MYZAP: variants seen among roughly 807,000 people sequenced by gnomAD.
The protein encoded by MYZAP is myocardial zonula adherens protein.
Under a neutral mutation model 69.4 loss-of-function variants are expected in MYZAP, and 66 were observed. The observed-to-expected ratio is 0.95, with a 90% CI of 0.78 to 1.17. The LOEUF is 1.17. Ranked by LOEUF, MYZAP falls within the 50% of genes most tolerant of loss-of-function variation. The pLI, the probability that MYZAP is intolerant of heterozygous loss-of-function variation, is 0.00. For missense variants in MYZAP, 611 were observed against 556.2 expected (o/e 1.10, Z -0.99); for synonymous variants, 256 against 205.9 (o/e 1.24, Z -2.09).
intron 10 of MYZAP, among the ~76,000 whole-genome samples, chr15:57,645,944 C>T (rs2037423023): frequency 6.6e-6 from 1 of 152,240 alleles, no homozygotes; most frequent in African/African-American, 2.4e-5. Context: ...CATTTGCTGG[C>T]ACACAATTTA....
rs2033699758 is a variant in MYZAP, at chr15:57,592,023, C to G, written c.-12C>G. On this transcript the variant is annotated 5_prime_UTR_variant, in exon 1 of 13. Transcript: ENST00000267853. ...CGCCGGCGTCCAGCCCGCTACCGACCGCCGCTGCGGGATGCTGCGCTCCAC... is the reference window on the plus strand; with the variant it reads ...CGCCGGCGTCCAGCCCGCTACCGACGGCCGCTGCGGGATGCTGCGCTCCAC... The G allele has an allele frequency of 7.0e-7, 1 of 1,434,916 alleles. No homozygotes were observed. Among genetic ancestry groups the G allele is most frequent in the Non-Finnish European group, 9.1e-7 (1 of 1,098,370 alleles). The allele number at this position is 1,434,916 out of a possible 1,614,324, so 88.9% of individuals were successfully genotyped here.
At chr15:57,599,507 G>T in intron 1 of MYZAP, 1 of 1,210,232 alleles carries the variant, frequency 8.3e-7, no homozygotes, top group South Asian at 1.5e-5. Flanking sequence ...CAGCTGGTTC[G>T]GTAGCAGTGG....
intron 10 of MYZAP, among the ~76,000 whole-genome samples, chr15:57,642,911 A>T (rs2037242042): frequency 6.6e-6 from 1 of 152,224 alleles, no homozygotes. Context: ...TTTTGAAATG[A>T]AGGATTAGTA....
intron 10 of MYZAP, among the ~76,000 whole-genome samples, chr15:57,652,307 T>C (rs1179678780): frequency 1.3e-5 from 2 of 152,204 alleles, no homozygotes; most frequent in African/African-American, 4.8e-5. Context: ...TCATGCTTAT[T>C]AAACTCTTCT....
At chr15:57,603,361 C>A (rs1457816944) in intron 1 of MYZAP, among the ~76,000 whole-genome samples, 1 of 152,000 alleles carries the variant, frequency 6.6e-6, no homozygotes, top group African/African-American at 2.4e-5. Flanking sequence ...CCATTTTGAC[C>A]CTTTTTAAGT....
intron 2 of MYZAP, among the ~76,000 whole-genome samples, chr15:57,606,753 T>C (rs1159064221): frequency 2.6e-5 from 4 of 152,060 alleles, no homozygotes; most frequent in African/African-American, 9.7e-5. Flanking sequence ...ATAAAAGATA[T>C]ACTGGGATGA....
rs1312774447 is a variant in MYZAP at position 57,639,377 on chromosome 15, G to C, written c.1014-63G>C. 4 of 1,545,280 alleles carry C rather than the reference G, an allele frequency of 2.6e-6. No individual in the cohort carries two copies. In the African/African-American group the frequency reaches 5.4e-5, roughly 21 times the overall value. On this transcript the variant is annotated intron_variant, in intron 9 of 12. Transcript: ENST00000267853. ...GGCAATATTCTTTAAAGCTGTGACT[G>C]TTGCTACTGCTGTTGCTGCTTTGGT...
At chr15:57,613,658 A>C (rs1055053967) in intron 2 of MYZAP, among the ~76,000 whole-genome samples, 5 of 152,048 alleles carry the variant, frequency 3.3e-5, no homozygotes, top group Non-Finnish European at 7.3e-5. Flanking sequence ...AGCATGAGAC[A>C]CCGTGCCTGG....
At chr15:57,647,755 C>T (rs1487212373) in intron 10 of MYZAP, 4 of 985,332 alleles carry the variant, frequency 4.1e-6, no homozygotes, top group Non-Finnish European at 3.6e-6. Flanking sequence ...GGCCCTGGGT[C>T]CTAGGCTCAT....
At chr15:57,592,884 A>C (rs1292203574) in intron 1 of MYZAP, among the ~76,000 whole-genome samples, 1 of 152,120 alleles carries the variant, frequency 6.6e-6, no homozygotes, top group African/African-American at 2.4e-5. Flanking sequence ...TCCATTTATC[A>C]TGATGTTCAA....
intron 11 of MYZAP, among the ~76,000 whole-genome samples, chr15:57,663,874 A>G (rs1458022061): frequency 6.6e-6 from 1 of 152,166 alleles, no homozygotes; most frequent in Non-Finnish European, 1.5e-5. Context: ...AAATTCCCTG[A>G]AACTATTTAA....
At chr15:57,659,167 A>G (rs553380579) in intron 10 of MYZAP, among the ~76,000 whole-genome samples, 6 of 152,258 alleles carry the variant, frequency 3.9e-5, no homozygotes, top group Admixed American at 1.3e-4. Flanking sequence ...TTTGATGTTC[A>G]GAATGTTCCA....
chr15:57,664,070 GTTTTT>G (rs35632598), intron 11 of MYZAP, among the ~76,000 whole-genome samples: 2 of 141,490 alleles, frequency 1.4e-5, no homozygotes, highest in African/African-American at 5.1e-5. Flanking sequence ...TTCTGTTCTT[GTTTTT>G]TTTTTTTTTA....
At chr15:57,615,536 T>A (rs1370900902) in intron 2 of MYZAP, among the ~76,000 whole-genome samples, 1 of 152,232 alleles carries the variant, frequency 6.6e-6, no homozygotes, top group Non-Finnish European at 1.5e-5. Context: ...CTGAAAGCCT[T>A]TGCTTTGCAG....
At chr15:57,611,333 C>T (rs1384194225) in intron 2 of MYZAP, among the ~76,000 whole-genome samples, 1 of 152,216 alleles carries the variant, frequency 6.6e-6, no homozygotes, top group Non-Finnish European at 1.5e-5. Context: ...CGTGCCTTCT[C>T]CTATCAGAGA....
chr15:57,639,298 T>A (rs1437817425), intron 9 of MYZAP, 142 bp from the exon 10 acceptor site: 3 of 832,396 alleles, frequency 3.6e-6, no homozygotes, highest in Non-Finnish European at 5.6e-6. Flanking sequence ...CCTCCTGCCT[T>A]GGCCTCTTGA....
chr15:57,629,744 G>A lies in MYZAP; in HGVS notation c.568G>A (p.Asp190Asn), dbSNP rs773311433. Reference sequence around the variant, plus strand: ...GACTTTGGAAAACAGCAACATTAAGGATCAAATCAGAAATCTGCAGCAGAC... The same window carrying A: ...GACTTTGGAAAACAGCAACATTAAGAATCAAATCAGAAATCTGCAGCAGAC... The part of the protein sequence containing the change: ...DVTLENSNIK[D>N]QIRNLQQTYE... The change falls in exon 6 of 13, where the codon GAT (aspartate) becomes AAT (asparagine). Residue 190 changes from aspartate to asparagine, a missense_variant. Asp to Asn is a conservative substitution (Grantham distance 23). Transcript: ENST00000267853. 7 of 1,613,280 alleles carry A rather than the reference G, an allele frequency of 4.3e-6. 1 individual carries two copies. The highest frequency in any genetic ancestry group is 1.1e-5 in the South Asian group (1 of 90,936).
chr15:57,625,503 CTGAT>C (rs1340047414), intron 4 of MYZAP, among the ~76,000 whole-genome samples: 1 of 152,154 alleles, frequency 6.6e-6, no homozygotes, highest in African/African-American at 2.4e-5. Context: ...CATAACTTCT[CTGAT>C]TGTTTTCTTC....
At chr15:57,605,972 G>A (rs2034718100) in intron 2 of MYZAP, among the ~76,000 whole-genome samples, 3 of 152,082 alleles carry the variant, frequency 2.0e-5, no homozygotes, top group South Asian at 4.1e-4. Context: ...AATTGGAGAA[G>A]GGGAGTAGAG....
Sources: gnomAD v4.1 joint callset for allele counts (sites outside exome capture counted in the v4.1 genomes callset) on GRCh38, gnomAD v4.1.1 for gene constraint, MANE v1.5 for transcripts, NCBI Gene and HGNC (gene_info 2026-07-23, HGNC 2026-07-21) for gene names.